Variants in SPIRE1 observed in about 807,000 individuals in gnomAD.
SPIRE1 encodes the protein protein spire homolog 1.
Under a neutral mutation model 94.1 loss-of-function variants are expected in SPIRE1, and 40 were observed. That is an observed-to-expected ratio of 0.43 (90% CI 0.33 to 0.55). The LOEUF is 0.55. SPIRE1 is among the 20% of genes least tolerant of loss of function. The pLI is 0.06. For missense variants in SPIRE1, 838 were observed against 975.2 expected (o/e 0.86, Z 1.87); for synonymous variants, 376 against 371.7 (o/e 1.01, Z -0.13).
At chr18:12,512,775 CTT>C (rs35531986) in intron 4 of SPIRE1, among the ~76,000 whole-genome samples, 32,976 of 140,222 alleles carry the variant, frequency 0.24, 4,479 homozygotes, top group Non-Finnish European at 0.32. Flanking sequence ...CTTTCTTTTT[CTT>C]TTTTTTTTTT....
chr18:12,548,152 A>G (rs2035228160), intron 2 of SPIRE1, among the ~76,000 whole-genome samples: 1 of 152,216 alleles, frequency 6.6e-6, no homozygotes, highest in African/African-American at 2.4e-5. Context: ...GACTTATTAC[A>G]GGGACTCAAT....
At chr18:12,658,177 G>A, upstream of SPIRE1, 1 of 816,856 alleles carries the variant, frequency 1.2e-6, no homozygotes, top group Non-Finnish European at 1.6e-6. Flanking sequence ...TTAGGGGGCC[G>A]CACGGGCCGG....
chr18:12,546,825 G>A lies in SPIRE1; in HGVS notation c.452C>T (p.Pro151Leu), dbSNP rs550163360. 2 of 1,613,968 alleles carry A rather than the reference G, an allele frequency of 1.2e-6. No individual in the cohort carries two copies. The highest frequency in any genetic ancestry group is 1.3e-5 in the African/African-American group (1 of 74,978). The change falls in exon 3 of 17, where the codon CCT (proline) becomes CTT (leucine). Residue 151 changes from proline to leucine, a missense_variant. Physicochemically the swap from Pro to Leu is moderately conservative, Grantham distance 98 (BLOSUM62 -3). Transcript: ENST00000409402. ...GTGATCGATAAGCTGCTCTAGGGGA[G>A]GGCTTAATTCCCTTTCTTCATTCTC... Reference protein sequence around the residue: ...LKENEERELSPPLEQLIDHMA... With the variant: ...LKENEERELSLPLEQLIDHMA...
At chr18:12,631,457 A>C (rs1412033206) in intron 2 of SPIRE1, among the ~76,000 whole-genome samples, 1 of 143,026 alleles carries the variant, frequency 7.0e-6, no homozygotes, top group Non-Finnish European at 1.5e-5. Context: ...CACATTTATA[A>C]TCCCAACACT....
chr18:12,535,694 C>G, intron 3 of SPIRE1, 93 bp from the exon 4 acceptor site: 2 of 1,178,466 alleles, frequency 1.7e-6, no homozygotes. Flanking sequence ...CAGTGGTTCA[C>G]GCCTGTAATC....
intron 10 of SPIRE1, among the ~76,000 whole-genome samples, chr18:12,474,686 G>T (rs1049506873): frequency 6.6e-6 from 1 of 152,206 alleles, no homozygotes; most frequent in East Asian, 1.9e-4. Context: ...GCTGAGTGTG[G>T]TGGTGGGCAC....
chr18:12,658,134 T>C (rs1226062578), upstream of SPIRE1: 107 of 921,172 alleles, frequency 1.2e-4, no homozygotes, highest in South Asian at 1.6e-3. Context: ...CCGCCCCGCC[T>C]CGCGCCGTCC....
chr18:12,615,542 C>CAAAAAAAAAAAAAA lies in SPIRE1; in HGVS notation c.372+19506_372+19519dup, dbSNP rs71174108. Among the ~76,000 whole-genome samples the CAAAAAAAAAAAAAA allele has an allele frequency of 1.7e-4, 13 of 75,802 alleles. 1 individual carries two copies. Among genetic ancestry groups the CAAAAAAAAAAAAAA allele is most frequent in the African/African-American group, 4.5e-4 (10 of 22,102 alleles). 49.7% of individuals were successfully genotyped at this position (75,802 alleles called of 152,430 possible). The stretch of plus-strand genomic sequence containing the variant: ...GCGACAGAGAGAGACTCTATCTCCA[C>CAAAAAAAAAAAAAA]AAAAAAAAAAAAAATCCCAAATTTT... On this transcript the variant is annotated intron_variant, in intron 2 of 16. Coordinates refer to ENST00000409402, the MANE Select transcript of SPIRE1 (RefSeq NM_001128626.2).
At chr18:12,464,529 A>G (rs1421257193) in intron 11 of SPIRE1, among the ~76,000 whole-genome samples, 1 of 152,128 alleles carries the variant, frequency 6.6e-6, no homozygotes, top group Non-Finnish European at 1.5e-5. Context: ...AGGTGGAATG[A>G]TAATAAATAT....
At chr18:12,625,493 C>G (rs1272322605) in intron 2 of SPIRE1, among the ~76,000 whole-genome samples, 1 of 152,084 alleles carries the variant, frequency 6.6e-6, no homozygotes, top group African/African-American at 2.4e-5. Flanking sequence ...ACCCATAAAG[C>G]GTAAGATCAG....
At chr18:12,645,483 A>G (rs2038199755) in intron 1 of SPIRE1, among the ~76,000 whole-genome samples, 1 of 152,094 alleles carries the variant, frequency 6.6e-6, no homozygotes, top group Non-Finnish European at 1.5e-5. Flanking sequence ...CCCACACATA[A>G]AAAGTGGAAG....
At chr18:12,482,631 T>C (rs1208565465) in intron 9 of SPIRE1, among the ~76,000 whole-genome samples, 2 of 152,200 alleles carry the variant, frequency 1.3e-5, no homozygotes, top group African/African-American at 2.4e-5. Flanking sequence ...AGATGGCATA[T>C]GAACTGAATT....
intron 2 of SPIRE1, among the ~76,000 whole-genome samples, chr18:12,617,488 T>C (rs2037345485): frequency 6.6e-6 from 1 of 151,642 alleles, no homozygotes; most frequent in African/African-American, 2.4e-5. Flanking sequence ...CTCAGCTCAC[T>C]GCAACCTCTG....
chr18:12,505,865 T>TAA (rs2033816074), intron 6 of SPIRE1, among the ~76,000 whole-genome samples: 1 of 152,180 alleles, frequency 6.6e-6, no homozygotes, highest in Non-Finnish European at 1.5e-5. Flanking sequence ...CATGATATGT[T>TAA]AAGCAAAACA....
chr18:12,565,065 C>T (rs952939654), intron 2 of SPIRE1, among the ~76,000 whole-genome samples: 1 of 152,112 alleles, frequency 6.6e-6, no homozygotes, highest in African/African-American at 2.4e-5. Flanking sequence ...CATCAAACTA[C>T]AGGTCCAAAA....
intron 5 of SPIRE1, among the ~76,000 whole-genome samples, chr18:12,507,943 G>A (rs1166920276): frequency 1.3e-5 from 2 of 151,760 alleles, no homozygotes; most frequent in African/African-American, 4.8e-5. Context: ...TCAGAAGATC[G>A]AGACCATCCT....
At chr18:12,488,206 T>C (rs1338482847) in intron 8 of SPIRE1, among the ~76,000 whole-genome samples, 4 of 152,234 alleles carry the variant, frequency 2.6e-5, no homozygotes, top group African/African-American at 9.6e-5. Flanking sequence ...CCTCTTCATA[T>C]AAAGAGGGTA....
intron 13 of SPIRE1, 78 bp downstream of exon 13, chr18:12,454,268 G>C: frequency 1.9e-6 from 3 of 1,548,092 alleles, no homozygotes; most frequent in South Asian, 1.2e-5. Flanking sequence ...CTGGCTAGCA[G>C]ATAACTCTCC....
At chr18:12,512,117 C>A (rs1322557526) in intron 5 of SPIRE1, among the ~76,000 whole-genome samples, 1 of 152,126 alleles carries the variant, frequency 6.6e-6, no homozygotes, top group Non-Finnish European at 1.5e-5. Context: ...GTAATCCCAG[C>A]ACTTTGAGAG....
Sources: gnomAD v4.1 joint callset for allele counts (sites outside exome capture counted in the v4.1 genomes callset) on GRCh38, gnomAD v4.1.1 for gene constraint, MANE v1.5 for transcripts, NCBI Gene and HGNC (gene_info 2026-07-23, HGNC 2026-07-21) for gene names.